CDC73: variants seen among roughly 807,000 people sequenced by gnomAD.
CDC73 encodes parafibromin.
In CDC73, 21 loss-of-function variants were observed where a neutral mutation model predicts 83.7. The observed-to-expected ratio is 0.25, with a 90% CI of 0.18 to 0.36. The LOEUF is 0.36. Among genes scored for constraint, CDC73 ranks in the 10% least tolerant of loss-of-function variants. The pLI, the probability that CDC73 is intolerant of heterozygous loss-of-function variation, is 1.00. For synonymous variants in CDC73, 224 were observed against 212.9 expected, an observed-to-expected ratio of 1.05 and a Z score of -0.45; for missense variants, 342 against 653.3, an observed-to-expected ratio of 0.52 and a Z score of 5.19.
In CDC73 at chr1:193,251,273, G is replaced by A; in HGVS notation, c.*561G>A. On this transcript the variant is annotated 3_prime_UTR_variant, in exon 17 of 17. Coordinates refer to ENST00000367435, the MANE Select transcript of CDC73 (RefSeq NM_024529.5). ...TTCTTCAATTTGATTGAACTGTTCA[G>A]CCTTTTCAAGATTTCTTTATTTACA... The A allele has an allele frequency of 4.3e-6, 1 of 231,862 alleles. No individual in the cohort carries two copies. Among genetic ancestry groups the A allele is most frequent in the Non-Finnish European group, 8.6e-6 (1 of 116,922 alleles). The allele number at this position is 231,862 out of a possible 1,614,324, so 14.4% of individuals were successfully genotyped here. A position where few individuals can be genotyped will look rare whatever the true frequency, so the allele number is the denominator to read the frequency against.
intron 10 of CDC73, among the ~76,000 whole-genome samples, chr1:193,178,702 A>G (rs191308346): frequency 6.6e-6 from 1 of 152,286 alleles, no homozygotes; most frequent in East Asian, 1.9e-4. Flanking sequence ...TTGATCCAAG[A>G]GCTGGGGTGT....
In CDC73 at chr1:193,250,711, G is replaced by A. The variant is rs1358200605; in HGVS notation, c.1595G>A (p.Ter532=). The change falls in exon 17 of 17, where the codon TGA becomes TAA. Residue 532 remains the stop codon, a stop_retained_variant. Coordinates refer to ENST00000367435, the MANE Select transcript of CDC73 (RefSeq NM_024529.5). ...MVKHKSHLRF[*] Reference sequence around the variant, plus strand: ...AAGCATAAATCGCACTTGAGATTCTGAATTATTTGGCTCCTCCATTTCTGG... The same window carrying A: ...AAGCATAAATCGCACTTGAGATTCTAAATTATTTGGCTCCTCCATTTCTGG... The A allele has an allele frequency of 1.2e-6, 2 of 1,607,976 alleles. No homozygotes were observed. The highest frequency in any genetic ancestry group is 1.7e-6 in the Non-Finnish European group (2 of 1,175,258).
At chr1:193,155,369 T>G (rs149352295) in intron 10 of CDC73, among the ~76,000 whole-genome samples, 2 of 152,348 alleles carry the variant, frequency 1.3e-5, no homozygotes, top group East Asian at 3.9e-4. Flanking sequence ...TGAAATACGT[T>G]TCACAGTAAA....
intron 10 of CDC73, among the ~76,000 whole-genome samples, chr1:193,162,548 A>G (rs546821747): frequency 8.6e-5 from 13 of 151,282 alleles, no homozygotes; most frequent in African/African-American, 3.2e-4. Context: ...AATTTTTTGT[A>G]TTTTTAGTAG....
At chr1:193,193,247 T>C (rs187828485) in intron 10 of CDC73, among the ~76,000 whole-genome samples, 1 of 152,356 alleles carries the variant, frequency 6.6e-6, no homozygotes, top group East Asian at 1.9e-4. Flanking sequence ...TTAAGCATTT[T>C]TTATATGCAA....
At chr1:193,230,388 C>G (rs996103984) in intron 13 of CDC73, among the ~76,000 whole-genome samples, 4 of 151,378 alleles carry the variant, frequency 2.6e-5, no homozygotes, top group Admixed American at 2.6e-4. Context: ...CTCAAATGAT[C>G]CACCCACCTT....
intron 10 of CDC73, among the ~76,000 whole-genome samples, chr1:193,193,774 A>C (rs368342707): frequency 1.0e-5 from 1 of 100,372 alleles, no homozygotes; most frequent in Admixed American, 1.1e-4. Flanking sequence ...CAGCTGTCTT[A>C]CTTGTAGTGT....
chr1:193,137,940 A>G (rs1279376053), intron 5 of CDC73, 145 bp from the exon 6 acceptor site: 3 of 685,578 alleles, frequency 4.4e-6, no homozygotes, highest in African/African-American at 3.6e-5. Flanking sequence ...TACGTAGCCA[A>G]AAGTAGTCTT....
At chr1:193,139,247 G>A (rs1407346186) in intron 6 of CDC73, among the ~76,000 whole-genome samples, 1 of 151,194 alleles carries the variant, frequency 6.6e-6, no homozygotes, top group Non-Finnish European at 1.5e-5. Flanking sequence ...CAGCATTGTA[G>A]TTTTCATCTG....
At chr1:193,158,222 G>A (rs1301273611) in intron 10 of CDC73, among the ~76,000 whole-genome samples, 1 of 152,016 alleles carries the variant, frequency 6.6e-6, no homozygotes, top group African/African-American at 2.4e-5. Context: ...AACTATGTAT[G>A]TTTATCTTAT....
chr1:193,212,499 C>T, intron 13 of CDC73, 22 bp downstream of exon 13: 1 of 1,334,602 alleles, frequency 7.5e-7, no homozygotes. Flanking sequence ...ATTAAACTAT[C>T]CTGTACGTAG....
chr1:193,123,912 C>T (rs1558277104), intron 1 of CDC73, among the ~76,000 whole-genome samples: 1 of 152,134 alleles, frequency 6.6e-6, no homozygotes, highest in Non-Finnish European at 1.5e-5. Flanking sequence ...GAGAAGGTTC[C>T]ATAGAATTGT....
chr1:193,227,800 T>G (rs553979271), intron 13 of CDC73, among the ~76,000 whole-genome samples: 1 of 152,320 alleles, frequency 6.6e-6, no homozygotes, highest in Admixed American at 6.5e-5. Flanking sequence ...TTATTATATA[T>G]TGATAGGCCA....
intron 10 of CDC73, among the ~76,000 whole-genome samples, chr1:193,163,325 G>A (rs1676375533): frequency 6.6e-6 from 1 of 151,754 alleles, no homozygotes; most frequent in African/African-American, 2.4e-5. Flanking sequence ...GGGCAATTTG[G>A]CAAAATCCCG....
At chr1:193,204,979 T>C (rs78656064) in intron 11 of CDC73, among the ~76,000 whole-genome samples, 2 of 147,662 alleles carry the variant, frequency 1.4e-5, no homozygotes, top group Non-Finnish European at 3.0e-5. Context: ...TTCTGTATCA[T>C]TTTTTTTTAA....
chr1:193,204,251 GTA>G lies in CDC73; in HGVS notation c.1030+401_1030+402del, dbSNP rs1310657160. Reference sequence around the variant, plus strand: ...TGTATATATACACGTATATATATGTGTATGTGTGTGTGTGTGTGTGTGTGTGT... The same window carrying G: ...TGTATATATACACGTATATATATGTGTGTGTGTGTGTGTGTGTGTGTGTGT... On this transcript the variant is annotated intron_variant, in intron 11 of 16. Coordinates refer to ENST00000367435, the MANE Select transcript of CDC73 (RefSeq NM_024529.5). Among the ~76,000 whole-genome samples, 19 of 106,434 alleles carry G rather than the reference GTA, an allele frequency of 1.8e-4. No individual in the cohort carries two copies. The South Asian group carries it at 1.9e-3, about 10-fold the overall frequency. 69.8% of individuals were successfully genotyped at this position (106,434 alleles called of 152,430 possible).
At chr1:193,140,027 C>G (rs141151163) in intron 6 of CDC73, among the ~76,000 whole-genome samples, 1,863 of 152,314 alleles carry the variant, frequency 0.012, 19 homozygotes, top group South Asian at 0.034. Context: ...GTTCTCAGGT[C>G]TTCTGACCTA....
Position 193,220,157 on chromosome 1 carries a change from C to CTTTT in CDC73, c.1154+7704_1154+7707dup, listed in dbSNP as rs776793164. Among the ~76,000 whole-genome samples, 60 of 108,784 alleles carry CTTTT rather than the reference C, an allele frequency of 5.5e-4. 3 individuals are homozygous for CTTTT. Among genetic ancestry groups the CTTTT allele is most frequent in the African/African-American group, 1.6e-3 (44 of 28,140 alleles). 71.4% of individuals were successfully genotyped at this position (108,784 alleles called of 152,430 possible). ...TTTCTCAGTAAAGTAACAATGATAA[C>CTTTT]TTTTTTTTTTTTTTTTTTTTTTTTT... On this transcript the variant is annotated intron_variant, in intron 13 of 16. Transcript: ENST00000367435.
intron 10 of CDC73, among the ~76,000 whole-genome samples, chr1:193,153,416 A>G (rs1000532919): frequency 6.6e-6 from 1 of 152,158 alleles, no homozygotes; most frequent in Non-Finnish European, 1.5e-5. Flanking sequence ...ATGCATGTGT[A>G]TTAAATAGAG....
Sources: allele counts gnomAD v4.1 joint callset (sites outside exome capture counted in the v4.1 genomes callset), GRCh38; gene constraint gnomAD v4.1.1; transcripts MANE v1.5; gene names NCBI Gene and HGNC (gene_info 2026-07-23, HGNC 2026-07-21).